The following SMAP1 variants were observed in gnomAD, a reference collection of about 807,000 sequenced individuals.
SMAP1 encodes stromal membrane-associated protein 1.
Under a neutral mutation model 58.5 loss-of-function variants are expected in SMAP1, and 24 were observed. The ratio of observed to expected loss-of-function variants is 0.41; its 90% CI spans 0.30 to 0.58. The LOEUF (loss-of-function observed/expected upper bound fraction) is 0.58, where lower values mean the gene tolerates loss of function less well. SMAP1 is among the 20% of genes least tolerant of loss of function. SMAP1 has a pLI of 0.29. For missense variants in SMAP1, 563 were observed against 566.3 expected, an observed-to-expected ratio of 0.99 and a Z score of 0.06; for synonymous variants, 216 against 196.6, an observed-to-expected ratio of 1.10 and a Z score of -0.82.
intron 1 of SMAP1, among the ~76,000 whole-genome samples, chr6:70,727,049 G>C (rs936240237): frequency 6.6e-6 from 1 of 151,928 alleles, no homozygotes; most frequent in Non-Finnish European, 1.5e-5. Flanking sequence ...TACCAAGAAT[G>C]TACCTTGTTC....
At chr6:70,782,715 A>G (rs1212557954) in intron 4 of SMAP1, among the ~76,000 whole-genome samples, 2 of 152,084 alleles carry the variant, frequency 1.3e-5, no homozygotes, top group Non-Finnish European at 2.9e-5. Context: ...TAGCCCTACT[A>G]TGGATGTTTC....
At chr6:70,808,716 A>G (rs1769252668) in intron 6 of SMAP1, among the ~76,000 whole-genome samples, 2 of 152,234 alleles carry the variant, frequency 1.3e-5, no homozygotes, top group Non-Finnish European at 2.9e-5. Context: ...GTATCCTTAA[A>G]GGTGGATTTC....
intron 1 of SMAP1, among the ~76,000 whole-genome samples, chr6:70,731,014 G>A (rs940167405): frequency 1.3e-5 from 2 of 152,166 alleles, no homozygotes; most frequent in African/African-American, 4.8e-5. Context: ...TGGCCAGGCT[G>A]TTCTCAAACT....
At chr6:70,762,398 G>A (rs1035595328) in intron 3 of SMAP1, among the ~76,000 whole-genome samples, 3 of 152,076 alleles carry the variant, frequency 2.0e-5, no homozygotes, top group African/African-American at 4.8e-5. Flanking sequence ...TACTTTCTGG[G>A]CCTTTAAGGA....
chr6:70,836,385 T>G (rs1640432491), intron 6 of SMAP1, among the ~76,000 whole-genome samples: 4 of 152,128 alleles, frequency 2.6e-5, no homozygotes. Context: ...TTTAATTACC[T>G]CCCACTGGGT....
At chr6:70,776,411 C>T (rs1256120207) in intron 4 of SMAP1, among the ~76,000 whole-genome samples, 1 of 152,124 alleles carries the variant, frequency 6.6e-6, no homozygotes, top group African/African-American at 2.4e-5. Context: ...GATCTCTTGA[C>T]CTCGTGATCT....
intron 7 of SMAP1, among the ~76,000 whole-genome samples, chr6:70,840,360 C>T (rs1770755664): frequency 6.6e-6 from 1 of 152,150 alleles, no homozygotes; most frequent in Non-Finnish European, 1.5e-5. Context: ...CTTAAGCTCA[C>T]CTTTCCTGAT....
At chr6:70,791,923 C>T (rs534106240) in intron 5 of SMAP1, among the ~76,000 whole-genome samples, 154 bp downstream of exon 5, 37 of 152,226 alleles carry the variant, frequency 2.4e-4, no homozygotes, top group Non-Finnish European at 4.1e-4. Context: ...TTTTATACCA[C>T]AGGTATGATT....
intron 7 of SMAP1, among the ~76,000 whole-genome samples, chr6:70,840,921 T>C (rs1473519331): frequency 1.3e-5 from 2 of 152,250 alleles, no homozygotes; most frequent in East Asian, 1.9e-4. Flanking sequence ...TAAAATCAGC[T>C]TCTAGGGTTT....
At chr6:70,694,765 A>G (rs971927281) in intron 1 of SMAP1, 2 of 152,234 alleles carry the variant, frequency 1.3e-5, no homozygotes, top group Admixed American at 6.5e-5. Flanking sequence ...GTGTGGCTGT[A>G]TACCATATAG....
chr6:70,803,816 A>G (rs948882847), intron 6 of SMAP1, among the ~76,000 whole-genome samples: 1 of 152,200 alleles, frequency 6.6e-6, no homozygotes, highest in African/African-American at 2.4e-5. Flanking sequence ...TGAGTTTCTT[A>G]ATCCTGAGTC....
intron 7 of SMAP1, among the ~76,000 whole-genome samples, chr6:70,848,836 ATGT>A (rs1771083201): frequency 6.6e-6 from 1 of 152,248 alleles, no homozygotes; most frequent in Non-Finnish European, 1.5e-5. Flanking sequence ...AGCAAGCCAA[ATGT>A]TGTAAGTAAA....
rs745587315 is a variant in SMAP1 at position 70,725,093 on chromosome 6, G to GTTTTTT, written c.119-7249_119-7244dup. 1.2e-3 allele frequency among the ~76,000 whole-genome samples: 58 copies of GTTTTTT among 47,822 alleles called. 21 individuals are homozygous for GTTTTTT. The highest frequency in any genetic ancestry group is 2.1e-3 in the Non-Finnish European group (52 of 24,998). The allele number at this position is 47,822 out of a possible 152,430, so 31.4% of individuals were successfully genotyped here. A position where few individuals can be genotyped will look rare whatever the true frequency, so the allele number is the denominator to read the frequency against. ...GACTCCATATCCTAAATTAACCAGT[G>GTTTTTT]TTTTTTTTTTTTTTTTTTTTTTTTT... On this transcript the variant is annotated intron_variant, in intron 1 of 10. Transcript: ENST00000370455.
chr6:70,859,477 T>C (rs1771603881), intron 10 of SMAP1: 3 of 1,100,428 alleles, frequency 2.7e-6, no homozygotes, highest in Non-Finnish European at 3.9e-6. Context: ...TAGTTTATGT[T>C]AGTGTCTTTG....
intron 5 of SMAP1, among the ~76,000 whole-genome samples, chr6:70,797,199 C>T (rs924594468): frequency 2.0e-5 from 3 of 152,030 alleles, no homozygotes; most frequent in African/African-American, 4.8e-5. Flanking sequence ...GTAAATTTTT[C>T]CTTTCCTCTT....
intron 6 of SMAP1, among the ~76,000 whole-genome samples, chr6:70,822,174 A>T (rs1345972604): frequency 6.6e-6 from 1 of 152,188 alleles, no homozygotes; most frequent in Non-Finnish European, 1.5e-5. Flanking sequence ...TAAAGCTTAT[A>T]CTTAAGAATG....
chr6:70,743,953 TTGAA>T (rs1483146359), intron 2 of SMAP1, among the ~76,000 whole-genome samples: 1 of 89,816 alleles, frequency 1.1e-5, no homozygotes, highest in Non-Finnish European at 3.3e-5. Context: ...AATTTTTAAT[TTGAA>T]TGTGCAAGAT....
chr6:70,705,995 C>T (rs1202376626), intron 1 of SMAP1, among the ~76,000 whole-genome samples: 1 of 152,068 alleles, frequency 6.6e-6, no homozygotes, highest in Non-Finnish European at 1.5e-5. Flanking sequence ...TAAGGTATGA[C>T]AGTTTGGCAT....
intron 5 of SMAP1, among the ~76,000 whole-genome samples, chr6:70,793,673 A>AGAGAGAGAGAG (rs1768467436): frequency 6.7e-6 from 1 of 149,602 alleles, no homozygotes; most frequent in Non-Finnish European, 1.5e-5. Context: ...AGAGAGAGAG[A>AGAGAGAGAGAG]AAGCTTAAAA....
Sources: allele counts gnomAD v4.1 joint callset (sites outside exome capture counted in the v4.1 genomes callset), GRCh38; gene constraint gnomAD v4.1.1; transcripts MANE v1.5; gene names NCBI Gene and HGNC (gene_info 2026-07-23, HGNC 2026-07-21).